Variants in TRIM28 observed in about 807,000 individuals in gnomAD.
TRIM28 encodes the protein tripartite motif containing 28.
A neutral mutation model predicts 87.4 loss-of-function variants in TRIM28; 8 were observed. The observed-to-expected ratio is 0.09, with a 90% CI of 0.05 to 0.17. The LOEUF (loss-of-function observed/expected upper bound fraction) is 0.17. Ranked by LOEUF, TRIM28 falls within the 10% of genes least tolerant of loss-of-function variation. The pLI, the probability that TRIM28 is intolerant of heterozygous loss-of-function variation, is 1.00. For missense variants in TRIM28, 968 were observed against 1,131.8 expected (o/e 0.86, Z 2.08); for synonymous variants, 601 against 454.3 (o/e 1.32, Z -4.11).
chr19:58,544,376 C>T lies in TRIM28; in HGVS notation c.-382C>T, dbSNP rs1036457590. On this transcript the variant is annotated 5_prime_UTR_variant, in exon 1 of 17. Transcript: ENST00000253024. ...CCCGCACCGACCGGCCTGGGCCCCG[C>T]CCCCGGGCGTGAGGCGCCCAATGCG... 1.3e-5 allele frequency: 2 copies of T among 152,232 alleles called. No individual in the cohort carries two copies. Among genetic ancestry groups the T allele is most frequent in the Admixed American group, 6.5e-5 (1 of 15,284 alleles). The allele number at this position is 152,232 out of a possible 1,614,324, so 9.4% of individuals were successfully genotyped here.
chr19:58,547,766 C>T (rs1418302684), intron 5 of TRIM28, 26 bp from the exon 6 acceptor site: 10 of 1,613,742 alleles, frequency 6.2e-6, no homozygotes, highest in Middle Eastern at 1.6e-4. Context: ...AAGACCCTAC[C>T]TAGCCTGACC....
chr19:58,549,437 C>G lies in TRIM28; in HGVS notation c.1769C>G (p.Pro590Arg). The G allele has an allele frequency of 1.2e-6, 2 of 1,607,674 alleles. No homozygotes were observed. Among genetic ancestry groups the G allele is most frequent in the Non-Finnish European group, 1.7e-6 (2 of 1,175,238 alleles). The part of the protein sequence containing the change: ...ALAEGPGAEG[P>R]RLASPSGSTS... ...GCGGAGGGTCCTGGTGCTGAGGGTC[C>G]CCGCCTGGCCTCACCTAGTGGCAGC... Residue 590 changes from proline to arginine, a missense_variant, in exon 13 of 17, where the codon CCC becomes CGC. Physicochemically the swap from Pro to Arg is moderately radical, Grantham distance 103 (BLOSUM62 -2). Coordinates refer to ENST00000253024, the MANE Select transcript of TRIM28 (RefSeq NM_005762.3). The surrounding 1 kb of genome is among the most constrained non-coding windows in gnomAD (Gnocchi z 4.4).
chr19:58,548,918 T>C lies in TRIM28; in HGVS notation c.1409+8T>C, dbSNP rs529295421. Reference sequence around the variant, plus strand: ...TGTGTCAGGTGTGAAACGGTAAGTATGGCACCTCCCCTGGGGGTGAGGTGG... The same window carrying C: ...TGTGTCAGGTGTGAAACGGTAAGTACGGCACCTCCCCTGGGGGTGAGGTGG... On this transcript the variant is annotated splice_region_variant and intron_variant, in intron 11 of 16. Coordinates refer to ENST00000253024, the MANE Select transcript of TRIM28 (RefSeq NM_005762.3). The C allele has an allele frequency of 1.9e-6, 3 of 1,614,034 alleles. No homozygotes were observed. The highest frequency in any genetic ancestry group is 1.7e-5 in the Admixed American group (1 of 60,022).
rs1271509128 is a variant in TRIM28, at chr19:58,548,060, C to T, written c.981C>T (p.Arg327=). 1 of 1,614,166 alleles carries T rather than the reference C, an allele frequency of 6.2e-7. No homozygotes were observed. The highest frequency in any genetic ancestry group is 1.1e-5 in the South Asian group (1 of 91,084). ...AGGTGACTGAGGGGCAGCAGGAGCG[C>T]CTGGAGCGGCAGCACTGGACCATGA... is the stretch of plus-strand genomic sequence containing the variant. The part of the protein sequence containing the change: ...AQKVTEGQQE[R]LERQHWTMTK... The change falls in exon 7 of 17, where the codon CGC becomes CGT. Residue 327 remains arginine, a synonymous_variant. Coordinates refer to ENST00000253024, the MANE Select transcript of TRIM28 (RefSeq NM_005762.3).
intron 3 of TRIM28, among the ~76,000 whole-genome samples, chr19:58,546,365 A>G (rs2053761356): frequency 6.6e-6 from 1 of 152,222 alleles, no homozygotes; most frequent in African/African-American, 2.4e-5. Flanking sequence ...AGACTTACCC[A>G]AAGTTTGGTT....
chr19:58,548,140 A>G lies in TRIM28; in HGVS notation c.1061A>G (p.Glu354Gly), dbSNP rs61738784. The change falls in exon 7 of 17, where the codon GAG becomes GGG. Residue 354 changes from glutamate (E) to glycine (G), a missense_variant. Glu to Gly is a moderately conservative substitution (Grantham distance 98). Around this residue, in one of 11 missense-constraint regions of TRIM28, gnomAD observed 84 missense variants for 139.9 expected, o/e 0.60. Coordinates refer to ENST00000253024, the MANE Select transcript of TRIM28 (RefSeq NM_005762.3). ...HILRFASWAL[E>G]SDNNTALLLS... The stretch of plus-strand genomic sequence containing the variant: ...CTGCGCTTTGCCTCTTGGGCTCTGG[A>G]GAGTGACAACAACACAGCCCTTTTG... The G allele has an allele frequency of 1.2e-6, 2 of 1,614,218 alleles. No homozygotes were observed. The highest frequency in any genetic ancestry group is 1.3e-5 in the African/African-American group (1 of 75,044).
intron 3 of TRIM28, among the ~76,000 whole-genome samples, chr19:58,546,133 G>A (rs562497514): frequency 7.2e-5 from 11 of 152,334 alleles, no homozygotes; most frequent in African/African-American, 2.4e-4. Flanking sequence ...GTGCTGCAGG[G>A]AGGTACAAAG....
chr19:58,545,296 A>G (rs2053751136), intron 1 of TRIM28, 129 bp from the exon 2 acceptor site: 2 of 935,938 alleles, frequency 2.1e-6, no homozygotes, highest in East Asian at 2.5e-5. Flanking sequence ...TGGAGAAAAG[A>G]AGGCTCGGGG....
rs771323238 is a variant in TRIM28 at position 58,549,807 on chromosome 19, G to C, written c.2053G>C (p.Asp685His). 9.3e-6 allele frequency: 15 copies of C among 1,612,758 alleles called. No individual in the cohort carries two copies. The highest frequency in any genetic ancestry group is 1.3e-5 in the Non-Finnish European group (15 of 1,179,008). ...GGAGGAGGATGGCAGCCTCAGCCTG[G>C]ATGGTGCAGACAGCACTGGCGTGGT... ...LKEEDGSLSL[D>H]GADSTGVVAK... The change falls in exon 14 of 17, where the codon GAT becomes CAT. Residue 685 changes from aspartate to histidine, a missense_variant. Asp to His is a moderately conservative substitution (Grantham distance 81). Transcript: ENST00000253024. This position sits in a 1 kb window ranked among gnomAD's most constrained non-coding sequence, Gnocchi z 4.4.
rs1487274777 is a variant in TRIM28 at position 58,544,721 on chromosome 19, C to A, written c.-37C>A. On this transcript the variant is annotated 5_prime_UTR_variant, in exon 1 of 17. Coordinates refer to ENST00000253024, the MANE Select transcript of TRIM28 (RefSeq NM_005762.3). The stretch of plus-strand genomic sequence containing the variant: ...TGCGCCTGCGCGGCGGGCCCCGCGC[C>A]CCTCCTCCCCCCCTGGGCGCCCCCG... The A allele has an allele frequency of 8.2e-6, 8 of 977,344 alleles. No homozygotes were observed. The highest frequency in any genetic ancestry group is 9.8e-6 in the Non-Finnish European group (8 of 813,068). 60.5% of individuals were successfully genotyped at this position (977,344 alleles called of 1,614,324 possible).
In TRIM28 at chr19:58,550,396, CCAT is replaced by C; in HGVS notation, c.2356_2358del (p.Ile786del). On this transcript the variant is annotated inframe_deletion, in exon 17 of 17. Coordinates refer to ENST00000253024, the MANE Select transcript of TRIM28 (RefSeq NM_005762.3). ...GCCCAGGACAAGGCAGACGTGCAGTCCATCATCGGCCTGCAGCGCTTCTTCGAG... is the reference window on the plus strand; with the variant it reads ...GCCCAGGACAAGGCAGACGTGCAGTCCATCGGCCTGCAGCGCTTCTTCGAG... 6.2e-7 allele frequency: 1 copy of C among 1,614,076 alleles called. No homozygotes were observed. The highest frequency in any genetic ancestry group is 8.5e-7 in the Non-Finnish European group (1 of 1,179,978).
Position 58,549,141 on chromosome 19 carries a change from T to C in TRIM28, c.1563T>C (p.Val521=). Residue 521 remains valine, a synonymous_variant, in exon 12 of 17, where the codon GTT becomes GTC. Coordinates refer to ENST00000253024, the MANE Select transcript of TRIM28 (RefSeq NM_005762.3). This position sits in a 1 kb window ranked among gnomAD's most constrained non-coding sequence, Gnocchi z 4.4. ...CCACTGAGGACTACAACCTTATTGT[T>C]ATTGAACGTGGCGCTGCCGCTGCAG... is the stretch of plus-strand genomic sequence containing the variant. ...GSTTEDYNLI[V]IERGAAAAAT... is the part of the protein sequence containing the mutation. The C allele has an allele frequency of 6.2e-7, 1 of 1,614,112 alleles. No homozygotes were observed. The highest frequency in any genetic ancestry group is 2.2e-5 in the East Asian group (1 of 44,874).
chr19:58,545,352 C>G, intron 1 of TRIM28, 73 bp from the exon 2 acceptor site: 8 of 1,267,924 alleles, frequency 6.3e-6, no homozygotes, highest in Non-Finnish European at 9.0e-6. Flanking sequence ...GGGGCCCACC[C>G]AGCAGGGGAA....
intron 6 of TRIM28, 36 bp downstream of exon 6, chr19:58,547,942 C>G (rs1279466439): frequency 6.2e-7 from 1 of 1,613,696 alleles, no homozygotes; most frequent in Non-Finnish European, 8.5e-7. Flanking sequence ...TCCCTGAGCC[C>G]CCTCTGCTGA....
At position 58,549,770 on chromosome 19, in the gene TRIM28, C is replaced by T; in HGVS notation, c.2016C>T (p.Leu672=). ...GGAGCTGCTCACTCTGCCATGTGCT[C>T]CCTGACCTGAAGGAGGAGGATGGCA... ...EEWSCSLCHV[L]PDLKEEDGSL... Residue 672 remains leucine (L), a synonymous_variant, in exon 14 of 17, where the codon CTC becomes CTT. Transcript: ENST00000253024. This position sits in a 1 kb window ranked among gnomAD's most constrained non-coding sequence, Gnocchi z 4.4. The T allele has an allele frequency of 6.2e-7, 1 of 1,612,014 alleles. No individual in the cohort carries two copies. Among genetic ancestry groups the T allele is most frequent in the African/African-American group, 1.3e-5 (1 of 74,964 alleles).
At position 58,548,569 on chromosome 19, in the gene TRIM28, A is replaced by G; in HGVS notation, c.1300A>G (p.Lys434Glu). Residue 434 changes from lysine to glutamate, a missense_variant, in exon 9 of 17, where the codon AAG becomes GAG. Physicochemically the swap from Lys to Glu is moderately conservative, Grantham distance 56 (BLOSUM62 1). Transcript: ENST00000253024. The stretch of plus-strand genomic sequence containing the variant: ...TCCAAGAGCCCCAGGGCCCCTGAGC[A>G]AGCAGGGCTCTGGCAGCAGCCAGGT... ...APPRAPGPLS[K>E]QGSGSSQPME... 6.2e-7 allele frequency: 1 copy of G among 1,613,506 alleles called. No individual in the cohort carries two copies. Among genetic ancestry groups the G allele is most frequent in the Non-Finnish European group, 8.5e-7 (1 of 1,179,836 alleles).
intron 1 of TRIM28, 108 bp from the exon 2 acceptor site, chr19:58,545,317 C>T (rs2053751412): frequency 3.0e-6 from 3 of 990,998 alleles, no homozygotes; most frequent in Non-Finnish European, 1.5e-6. Context: ...AGGGGAGGGG[C>T]TGGTTCGCTG....
chr19:58,545,564 G>A (rs1025581310), intron 2 of TRIM28, 27 bp downstream of exon 2: 3 of 1,579,750 alleles, frequency 1.9e-6, no homozygotes, highest in African/African-American at 1.3e-5. Context: ...CAACCACAAG[G>A]AGGTTTCTGG....
rs184367010 is a variant in TRIM28 at position 58,548,848 on chromosome 19, C to G, written c.1361-14C>G. The G allele has an allele frequency of 2.5e-6, 4 of 1,613,964 alleles. No homozygotes were observed. Among genetic ancestry groups the G allele is most frequent in the East Asian group, 2.2e-5 (1 of 44,892 alleles). Reference sequence around the variant, plus strand: ...CTACCCCAACCTGCCAGTCTTCTTTCTCCATTTTCTAAGGAGATGATCCCT... The same window carrying G: ...CTACCCCAACCTGCCAGTCTTCTTTGTCCATTTTCTAAGGAGATGATCCCT... On this transcript the variant is annotated splice_polypyrimidine_tract_variant and intron_variant, in intron 10 of 16. Transcript: ENST00000253024.
Sources: allele counts gnomAD v4.1 joint callset (sites outside exome capture counted in the v4.1 genomes callset), GRCh38; gene constraint gnomAD v4.1.1; regional missense constraint gnomAD v4.1.1; non-coding constraint Gnocchi (gnomAD v3.1); transcripts MANE v1.5; gene names NCBI Gene and HGNC (gene_info 2026-07-23, HGNC 2026-07-21).